LGR5: variants seen among roughly 807,000 people sequenced by gnomAD.
LGR5 encodes the protein leucine-rich repeat-containing G protein-coupled receptor 5.
A neutral mutation model predicts 76.7 loss-of-function variants in LGR5; 54 were observed. The ratio of observed to expected loss-of-function variants is 0.70; its 90% confidence interval spans 0.57 to 0.88. LGR5 has a LOEUF of 0.88. Among genes scored for constraint, LGR5 ranks in the 40% least tolerant of loss-of-function variants. The pLI is 0.00. For missense variants in LGR5, 1,078 were observed against 1,073.3 expected (o/e 1.00, Z -0.06); for synonymous variants, 406 against 421.9 (o/e 0.96, Z 0.46).
rs1947277262 is a variant in LGR5 at position 71,440,617 on chromosome 12, C to T, written c.212+325C>T. ...TGCAGGCATTTGCGTGCGGAGTGGA[C>T]ATTTGTGACCCAGAGCCTGGTACCC... On this transcript the variant is annotated intron_variant, in intron 1 of 17. Coordinates refer to ENST00000266674, the MANE Select transcript of LGR5 (RefSeq NM_003667.4). The surrounding 1 kb of genome is among the most constrained non-coding windows in gnomAD (Gnocchi z 5.3). 6.6e-6 allele frequency among the ~76,000 whole-genome samples: 1 copy of T among 152,146 alleles called. No homozygotes were observed. The highest frequency in any genetic ancestry group is 6.5e-5 in the Admixed American group (1 of 15,292).
intron 11 of LGR5, among the ~76,000 whole-genome samples, chr12:71,568,531 G>A (rs1412134220): frequency 5.9e-5 from 9 of 152,144 alleles, no homozygotes; most frequent in Admixed American, 3.9e-4. Context: ...TTGAAAAGCC[G>A]GGAGGAATAC....
At chr12:71,558,090 G>A (rs1877865300) in intron 6 of LGR5, among the ~76,000 whole-genome samples, 2 of 152,088 alleles carry the variant, frequency 1.3e-5, no homozygotes, top group Admixed American at 6.5e-5. Context: ...TTCTTCTTAC[G>A]TGGCAAAGAT....
chr12:71,576,068 C>G (rs528181078), intron 13 of LGR5, among the ~76,000 whole-genome samples: 1 of 152,072 alleles, frequency 6.6e-6, no homozygotes, highest in Non-Finnish European at 1.5e-5. Flanking sequence ...GAGAGAGATA[C>G]CACACACCAG....
At chr12:71,455,601 C>T (rs1027862484) in intron 1 of LGR5, among the ~76,000 whole-genome samples, 23 of 152,152 alleles carry the variant, frequency 1.5e-4, no homozygotes, top group African/African-American at 5.3e-4. Context: ...CTTCTTTCTG[C>T]CTCTCTCTAG....
intron 4 of LGR5, among the ~76,000 whole-genome samples, chr12:71,538,237 G>A (rs1225025631): frequency 6.6e-6 from 1 of 152,208 alleles, no homozygotes; most frequent in Admixed American, 6.5e-5. Context: ...CTCTGGCCAG[G>A]TATGGTGGCT....
In LGR5 at chr12:71,535,620, G is replaced by T. The variant is rs144640057; in HGVS notation, c.428+434G>T. On this transcript the variant is annotated intron_variant, in intron 4 of 17. Coordinates refer to ENST00000266674, the MANE Select transcript of LGR5 (RefSeq NM_003667.4). ...ATCAAGTTTTTTCGAGTCAAATAAA[G>T]GCTTACTATTTTAGTACTGCCTATA... Among the ~76,000 whole-genome samples the T allele has an allele frequency of 1.0e-3, 154 of 152,228 alleles. 1 individual carries two copies. In the East Asian group the frequency reaches 0.011, roughly 10 times the overall value.
chr12:71,453,818 T>A (rs2137214162), intron 1 of LGR5, among the ~76,000 whole-genome samples: 1 of 152,276 alleles, frequency 6.6e-6, no homozygotes, highest in African/African-American at 2.4e-5. Flanking sequence ...CTAATTTTCA[T>A]GAGGCACCTC....
In LGR5 at chr12:71,457,706, C is replaced by A. The variant is rs368300775; in HGVS notation, c.212+17414C>A. Among the ~76,000 whole-genome samples, 6 of 152,252 alleles carry A rather than the reference C, an allele frequency of 3.9e-5. No individual in the cohort carries two copies. In the East Asian group the frequency reaches 7.7e-4, roughly 20 times the overall value. Reference sequence around the variant, plus strand: ...ATAGTCCTGCTGTTTTGTGGGAACACCTTTACCTTCATGTAAAAAGGTGCA... The same window carrying A: ...ATAGTCCTGCTGTTTTGTGGGAACAACTTTACCTTCATGTAAAAAGGTGCA... On this transcript the variant is annotated intron_variant, in intron 1 of 17. Coordinates refer to ENST00000266674, the MANE Select transcript of LGR5 (RefSeq NM_003667.4).
At chr12:71,556,539 T>A in intron 5 of LGR5, 80 bp from the exon 6 acceptor site, 1 of 946,394 alleles carries the variant, frequency 1.1e-6, no homozygotes, top group South Asian at 1.3e-5. Flanking sequence ...AGTATATGTT[T>A]CTTTGGATTT....
chr12:71,567,783 A>C (rs1426290049), intron 11 of LGR5, among the ~76,000 whole-genome samples: 2 of 152,172 alleles, frequency 1.3e-5, no homozygotes, highest in African/African-American at 2.4e-5. Flanking sequence ...CAGTGACACC[A>C]CATGGTAGCC....
chr12:71,476,799 G>A (rs1192549793), intron 1 of LGR5, among the ~76,000 whole-genome samples: 1 of 152,180 alleles, frequency 6.6e-6, no homozygotes, highest in Non-Finnish European at 1.5e-5. Flanking sequence ...TACAAGCAAA[G>A]TTATGGAGAG....
At chr12:71,458,107 A>C (rs1306982920) in intron 1 of LGR5, among the ~76,000 whole-genome samples, 1 of 152,128 alleles carries the variant, frequency 6.6e-6, no homozygotes, top group African/African-American at 2.4e-5. Flanking sequence ...TGTTTCTTAA[A>C]AAAAATCTAC....
intron 15 of LGR5, among the ~76,000 whole-genome samples, chr12:71,579,918 A>G (rs1446677265): frequency 6.6e-6 from 1 of 152,204 alleles, no homozygotes; most frequent in African/African-American, 2.4e-5. Context: ...CAAAATGTGC[A>G]TAGAAATATA....
intron 3 of LGR5, among the ~76,000 whole-genome samples, chr12:71,525,324 T>A (rs1875937325): frequency 6.6e-6 from 1 of 152,080 alleles, no homozygotes; most frequent in Non-Finnish European, 1.5e-5. Context: ...AAAGTGAAAT[T>A]CAACAGCAGA....
chr12:71,462,932 A>C (rs1872735705), intron 1 of LGR5, among the ~76,000 whole-genome samples: 1 of 152,140 alleles, frequency 6.6e-6, no homozygotes, highest in South Asian at 2.1e-4. Context: ...TAGTCATATC[A>C]TATATGGATA....
intron 2 of LGR5, 133 bp from the exon 3 acceptor site, chr12:71,524,268 TATAAC>T (rs1275451194): frequency 5.1e-6 from 3 of 590,960 alleles, no homozygotes; most frequent in Non-Finnish European, 8.7e-6. Flanking sequence ...TTTTGCAAAA[TATAAC>T]AAAACAAAGT....
intron 13 of LGR5, among the ~76,000 whole-genome samples, chr12:71,576,729 G>C (rs1157643789): frequency 2.0e-5 from 3 of 152,128 alleles, no homozygotes; most frequent in Non-Finnish European, 4.4e-5. Flanking sequence ...ACCATGGCAG[G>C]ACTTGGCCTA....
chr12:71,525,092 T>G (rs1447913467), intron 3 of LGR5, among the ~76,000 whole-genome samples: 2 of 152,200 alleles, frequency 1.3e-5, no homozygotes, highest in Non-Finnish European at 2.9e-5. Flanking sequence ...TACCCATTGT[T>G]TAATTTTCTT....
At chr12:71,545,953 A>G (rs1045837985) in intron 4 of LGR5, among the ~76,000 whole-genome samples, 6 of 152,198 alleles carry the variant, frequency 3.9e-5, no homozygotes, top group Non-Finnish European at 7.3e-5. Context: ...ACCTTTTCAC[A>G]TAGAAATATT....
Sources: gnomAD v4.1 joint callset for allele counts (sites outside exome capture counted in the v4.1 genomes callset) on GRCh38, gnomAD v4.1.1 for gene constraint, Gnocchi (gnomAD v3.1) non-coding constraint, MANE v1.5 for transcripts, NCBI Gene and HGNC (gene_info 2026-07-23, HGNC 2026-07-21) for gene names.